MAF: variants seen among roughly 807,000 people sequenced by gnomAD.
MAF encodes the protein transcription factor Maf.
A neutral mutation model predicts 22.0 loss-of-function variants in MAF; 10 were observed. The observed-to-expected ratio is 0.45, with a 90% CI of 0.28 to 0.77. The LOEUF (loss-of-function observed/expected upper bound fraction) is 0.77. MAF is among the 30% of genes least tolerant of loss of function. The probability of loss-of-function intolerance (pLI) is 0.12; values close to 1 mark genes in which losing one functional copy is unlikely to be tolerated. For missense variants in MAF, 544 were observed against 548.4 expected (o/e 0.99, Z 0.08); for synonymous variants, 337 against 255.8 (o/e 1.32, Z -3.03).
chr16:79,586,157 G>C (rs1912828549), intron 1 of MAF, among the ~76,000 whole-genome samples: 1 of 152,180 alleles, frequency 6.6e-6, no homozygotes, highest in Admixed American at 6.5e-5. Flanking sequence ...TGCGTTACAA[G>C]TTCACTCCCT....
chr16:79,391,503 T>C, the MAF span, among the ~76,000 whole-genome samples: 1 of 151,750 alleles, frequency 6.6e-6, no homozygotes, highest in African/African-American at 2.4e-5. Flanking sequence ...TAATAAAGAG[T>C]TGGCAGGAAA....
the MAF span, among the ~76,000 whole-genome samples, chr16:79,511,396 G>C: frequency 5.3e-5 from 8 of 152,246 alleles, 1 homozygote; most frequent in South Asian, 4.1e-4. Context: ...TTATATGAGA[G>C]TCCAAAATTT....
the MAF span, among the ~76,000 whole-genome samples, chr16:79,307,802 G>A: frequency 1.3e-3 from 193 of 152,314 alleles, no homozygotes; most frequent in Non-Finnish European, 1.7e-3. Flanking sequence ...GATTGTGCTA[G>A]AATGACAGTC....
chr16:79,323,241 C>T, the MAF span, among the ~76,000 whole-genome samples: 7 of 144,034 alleles, frequency 4.9e-5, no homozygotes, highest in Non-Finnish European at 9.0e-5. Flanking sequence ...AGTCTAGTCC[C>T]GGGGGTTCAA....
At chr16:79,227,060 A>C in the MAF span, among the ~76,000 whole-genome samples, 2 of 152,114 alleles carry the variant, frequency 1.3e-5, no homozygotes, top group Non-Finnish European at 2.9e-5. Context: ...TAATTGTTTC[A>C]AAATAACTGG....
At chr16:79,297,040 T>A in the MAF span, among the ~76,000 whole-genome samples, 1 of 152,242 alleles carries the variant, frequency 6.6e-6, no homozygotes, top group African/African-American at 2.4e-5. Context: ...ACATCCCTTG[T>A]GTCTGCCTGA....
At chr16:79,343,764 C>T in the MAF span, among the ~76,000 whole-genome samples, 6 of 152,134 alleles carry the variant, frequency 3.9e-5, no homozygotes, top group Admixed American at 3.9e-4. Flanking sequence ...AACAGGATGG[C>T]AGATTTTTCT....
At position 79,598,568 on chromosome 16, in the gene MAF, G is replaced by A. The variant is rs1046958; in HGVS notation, c.1118+217C>T. The A allele has an allele frequency of 0.27, 388,161 of 1,435,962 alleles. 53,828 individuals carry two copies. Among genetic ancestry groups the A allele is most frequent in the Admixed American group, 0.28 (11,895 of 41,904 alleles). The allele number at this position is 1,435,962 out of a possible 1,614,324, so 89.0% of individuals were successfully genotyped here. A position where few individuals can be genotyped will look rare whatever the true frequency, so the allele number is the denominator to read the frequency against. ...AAACAGCCACCACCACCACAAACTC[G>A]AGCAGGGTGTGGGGTGTGTGTGTGT... On this transcript the variant is annotated intron_variant, in intron 1 of 1. Coordinates refer to ENST00000326043, the MANE Select transcript of MAF (RefSeq NM_005360.5).
the MAF span, among the ~76,000 whole-genome samples, chr16:79,271,623 T>C: frequency 1.3e-5 from 2 of 152,182 alleles, no homozygotes; most frequent in Non-Finnish European, 2.9e-5. Flanking sequence ...GATACAAGTC[T>C]GTTGATATTA....
chr16:79,553,284 T>C, the MAF span, among the ~76,000 whole-genome samples: 3 of 152,246 alleles, frequency 2.0e-5, no homozygotes, highest in Non-Finnish European at 2.9e-5. Flanking sequence ...CTCTCCATCA[T>C]GGCAGAGAAA....
the MAF span, among the ~76,000 whole-genome samples, chr16:79,366,648 C>T: frequency 1.3e-5 from 2 of 152,306 alleles, no homozygotes; most frequent in East Asian, 3.9e-4. Flanking sequence ...TTTTGAGAGT[C>T]AGCATGCAAT....
downstream of MAF, among the ~76,000 whole-genome samples, chr16:79,584,305 A>G (rs776774542): frequency 4.6e-5 from 7 of 152,206 alleles, no homozygotes; most frequent in South Asian, 2.1e-4. Context: ...CTGAAAATAA[A>G]CTAAGTAACT....
the MAF span, among the ~76,000 whole-genome samples, chr16:79,525,513 C>T: frequency 2.6e-5 from 4 of 152,110 alleles, no homozygotes; most frequent in African/African-American, 9.7e-5. Context: ...CAAAATAAAG[C>T]ACATCTACAT....
the MAF span, among the ~76,000 whole-genome samples, chr16:79,349,937 T>A: frequency 6.6e-6 from 1 of 152,184 alleles, no homozygotes; most frequent in Non-Finnish European, 1.5e-5. Flanking sequence ...TTTCCAAAAG[T>A]ATGGCACCCT....
the MAF span, among the ~76,000 whole-genome samples, chr16:79,502,823 C>G: frequency 6.9e-6 from 1 of 144,472 alleles, no homozygotes; most frequent in African/African-American, 2.6e-5. Context: ...AAAAAAAACC[C>G]AAGGGAACTC....
At chr16:79,225,165 T>C in the MAF span, among the ~76,000 whole-genome samples, 2 of 152,084 alleles carry the variant, frequency 1.3e-5, no homozygotes. Flanking sequence ...AAAACAGATA[T>C]ATAGATTAAT....
At chr16:79,486,221 G>C in the MAF span, among the ~76,000 whole-genome samples, 1 of 152,184 alleles carries the variant, frequency 6.6e-6, no homozygotes, top group Non-Finnish European at 1.5e-5. Flanking sequence ...TGATAGGCAA[G>C]AGAAGCATTT....
At chr16:79,309,236 G>C in the MAF span, among the ~76,000 whole-genome samples, 1 of 152,180 alleles carries the variant, frequency 6.6e-6, no homozygotes, top group Non-Finnish European at 1.5e-5. Context: ...TTAATTCGGA[G>C]ACTGGCCTCA....
the MAF span, among the ~76,000 whole-genome samples, chr16:79,400,869 C>T: frequency 1.4e-4 from 22 of 152,200 alleles, no homozygotes; most frequent in Non-Finnish European, 2.9e-4. Flanking sequence ...GGGTATCTTC[C>T]GGGGAAGGAG....
Sources: allele counts gnomAD v4.1 joint callset (sites outside exome capture counted in the v4.1 genomes callset), GRCh38; gene constraint gnomAD v4.1.1; transcripts MANE v1.5; gene names NCBI Gene and HGNC (gene_info 2026-07-23, HGNC 2026-07-21).